The following SH2B1 variants were observed in gnomAD, a reference collection of about 807,000 sequenced individuals.
SH2B1 encodes SH2B adaptor protein 1.
SH2B1 carries 15 observed loss-of-function variants against 62.6 expected under a neutral mutation model. The ratio of observed to expected loss-of-function variants is 0.24; its 90% CI spans 0.16 to 0.37. SH2B1 has a LOEUF of 0.37. Ranked by LOEUF, SH2B1 falls within the 10% of genes least tolerant of loss-of-function variation. The probability of loss-of-function intolerance (pLI) is 1.00; values close to 1 mark genes in which losing one functional copy is unlikely to be tolerated. For synonymous variants in SH2B1, 443 were observed against 438.0 expected, an observed-to-expected ratio of 1.01 and a Z score of -0.14; for missense variants, 925 against 1,015.6, an observed-to-expected ratio of 0.91 and a Z score of 1.21.
chr16:28,871,219 T>C (rs569478885), intron 4 of SH2B1, among the ~76,000 whole-genome samples: 1 of 152,310 alleles, frequency 6.6e-6, no homozygotes. Context: ...TGTTTCACCA[T>C]GTTGCCCAGG....
chr16:28,867,488 A>C, intron 2 of SH2B1, 56 bp downstream of exon 2: 1 of 1,333,630 alleles, frequency 7.5e-7, no homozygotes, highest in South Asian at 1.2e-5. Flanking sequence ...GAAAGCCCTC[A>C]GCGCATTTAA....
Position 28,866,556 on chromosome 16 carries a change from C to G in SH2B1, c.462C>G (p.Ser154=), listed in dbSNP as rs1490497202. Residue 154 remains serine, a synonymous_variant, in exon 1 of 8, where the codon TCC becomes TCG. Transcript: ENST00000684370. This position sits in a 1 kb window ranked among gnomAD's most constrained non-coding sequence, Gnocchi z 6.3. ...AGCCGAAGCTCAAGAAGCGCTTTTC[C>G]CTGCGTTCAGTGGGTCGCTCTGTCC... ...SSKPKLKKRF[S]LRSVGRSVRG... The G allele has an allele frequency of 1.2e-6, 2 of 1,614,082 alleles. No individual in the cohort carries two copies. Among genetic ancestry groups the G allele is most frequent in the Non-Finnish European group, 1.7e-6 (2 of 1,180,034 alleles).
At chr16:28,850,413 A>C (rs9972768) in intron 1 of SH2B1, among the ~76,000 whole-genome samples, 51,905 of 152,084 alleles carry the variant, frequency 0.34, 9,529 homozygotes, top group Admixed American at 0.41. Flanking sequence ...AAAATAAAAA[A>C]ATTTGCCAGA....
intron 1 of SH2B1, among the ~76,000 whole-genome samples, chr16:28,853,096 ATATATT>A (rs1962237830): frequency 8.2e-6 from 1 of 122,408 alleles, no homozygotes; most frequent in African/African-American, 3.2e-5. Flanking sequence ...ATTTATACAT[ATATATT>A]TATATATACA....
Position 28,872,716 on chromosome 16 carries a change from C to T in SH2B1, c.1897+11C>T, listed in dbSNP as rs561521722. 6.2e-7 allele frequency: 1 copy of T among 1,614,014 alleles called. No individual in the cohort carries two copies. The highest frequency in any genetic ancestry group is 2.2e-5 in the East Asian group (1 of 44,864). ...CCCAGCGACAGCAGGGTGAGCAGAG[C>T]AGGTCTGCAGGGGAGGAGGTGCCCG... is the stretch of plus-strand genomic sequence containing the variant. On this transcript the variant is annotated intron_variant, in intron 7 of 7. Coordinates refer to ENST00000684370, the MANE Select transcript of SH2B1 (RefSeq NM_001387430.1). This position sits in a 1 kb window ranked among gnomAD's most constrained non-coding sequence, Gnocchi z 5.3.
chr16:28,862,204 A>G (rs1161945561), upstream of SH2B1: 1 of 152,026 alleles, frequency 6.6e-6, no homozygotes, highest in Non-Finnish European at 1.5e-5. Flanking sequence ...ATTGTTCTCG[A>G]TTTCTCTAAC....
Position 28,874,023 on chromosome 16 carries a change from G to C in SH2B1, c.*203G>C. 1 of 431,436 alleles carries C rather than the reference G, an allele frequency of 2.3e-6. No individual in the cohort carries two copies. Among genetic ancestry groups the C allele is most frequent in the Admixed American group, 4.4e-5 (1 of 22,690 alleles). The allele number at this position is 431,436 out of a possible 1,614,324, so 26.7% of individuals were successfully genotyped here. A position where few individuals can be genotyped will look rare whatever the true frequency, so the allele number is the denominator to read the frequency against. ...CCCCTCCCCAGGGCAGGGGATTTGG[G>C]CTCCATGAGCTCCTTGAGGGGCTCT... On this transcript the variant is annotated 3_prime_UTR_variant, in exon 8 of 8. Coordinates refer to ENST00000684370, the MANE Select transcript of SH2B1 (RefSeq NM_001387430.1).
chr16:28,863,585 G>A (rs1393667809), upstream of SH2B1: 35 of 1,211,212 alleles, frequency 2.9e-5, no homozygotes, highest in Non-Finnish European at 4.0e-5. Context: ...GGTCGACATC[G>A]CCCCTTTGTC....
intron 1 of SH2B1, among the ~76,000 whole-genome samples, chr16:28,852,486 A>ATATT (rs1962154816): frequency 2.1e-5 from 1 of 48,262 alleles, no homozygotes; most frequent in African/African-American, 1.3e-4. Context: ...ATATTTATAT[A>ATATT]TACATACATA....
upstream of SH2B1, chr16:28,862,575 C>T (rs904557657): frequency 1.3e-5 from 2 of 148,346 alleles, no homozygotes; most frequent in Non-Finnish European, 3.0e-5. Flanking sequence ...GCTGGGATTA[C>T]AGGCGTGAGC....
chr16:28,858,328 C>T (rs1287042222), intron 1 of SH2B1, among the ~76,000 whole-genome samples: 3 of 151,958 alleles, frequency 2.0e-5, no homozygotes, highest in Non-Finnish European at 4.4e-5. Context: ...GCCTGGCCAA[C>T]GTGGTGAAAC....
At position 28,874,141 on chromosome 16, in the gene SH2B1, GGTT is replaced by G. The variant is rs758967186; in HGVS notation, c.*334_*336del. On this transcript the variant is annotated 3_prime_UTR_variant, in exon 8 of 8. Coordinates refer to ENST00000684370, the MANE Select transcript of SH2B1 (RefSeq NM_001387430.1). ...GAAGGGCTGTCAGTTACATTAAGGT[GGTT>G]GTTGTTGTTGTTTTAAACAAAATGG... 4.1e-4 allele frequency: 122 copies of G among 295,188 alleles called. No individual in the cohort carries two copies. Among genetic ancestry groups the G allele is most frequent in the South Asian group, 6.5e-4 (4 of 6,172 alleles). 18.3% of individuals were successfully genotyped at this position (295,188 alleles called of 1,614,324 possible). A position where few individuals can be genotyped will look rare whatever the true frequency, so the allele number is the denominator to read the frequency against.
In SH2B1 at chr16:28,852,724, TTATATATATACA is replaced by T. The variant is rs1314167415; in HGVS notation, c.-301+5907_-301+5918del. 1.6e-4 allele frequency among the ~76,000 whole-genome samples: 11 copies of T among 69,548 alleles called. 1 individual carries two copies. Among genetic ancestry groups the T allele is most frequent in the South Asian group, 5.2e-4 (1 of 1,926 alleles). The allele number at this position is 69,548 out of a possible 152,430, so 45.6% of individuals were successfully genotyped here. On this transcript the variant is annotated intron_variant, in intron 1 of 10. Transcript: ENST00000322610. ...TATACATATATATTTACATATATATTTATATATATACATATATATATTTACATATATATGTAT... is the reference window on the plus strand; with the variant it reads ...TATACATATATATTTACATATATATTTATATATATTTACATATATATGTAT...
upstream of SH2B1, among the ~76,000 whole-genome samples, chr16:28,860,185 T>A (rs983536336): frequency 8.6e-5 from 13 of 151,974 alleles, no homozygotes; most frequent in African/African-American, 3.1e-4. Flanking sequence ...GCCTTATCTC[T>A]GTCCTCCCCT....
At chr16:28,852,077 A>G (rs1403167371) in intron 1 of SH2B1, among the ~76,000 whole-genome samples, 5 of 150,036 alleles carry the variant, frequency 3.3e-5, no homozygotes, top group East Asian at 2.0e-4. Flanking sequence ...AAAAAAAAGA[A>G]AAAAGAAATT....
chr16:28,866,763 A>G lies in SH2B1; in HGVS notation c.669A>G (p.Arg223=). Residue 223 remains arginine (R), a synonymous_variant, in exon 1 of 8, where the codon AGA becomes AGG. Transcript: ENST00000684370. This position sits in a 1 kb window ranked among gnomAD's most constrained non-coding sequence, Gnocchi z 6.3. ...LVSDGTSPGE[R]WTHRFERLRL... ...GTGATGGAACGTCCCCTGGGGAAAG[A>G]TGGACTCACCGTTTTGAGAGGCTGA... is the stretch of plus-strand genomic sequence containing the variant. 1.3e-6 allele frequency: 2 copies of G among 1,579,070 alleles called. No homozygotes were observed. Among genetic ancestry groups the G allele is most frequent in the South Asian group, 1.2e-5 (1 of 84,048 alleles).
At position 28,869,240 on chromosome 16, in the gene SH2B1, C is replaced by A. The variant is rs770455223; in HGVS notation, c.1166C>A (p.Thr389Asn). The A allele has an allele frequency of 1.2e-6, 2 of 1,614,076 alleles. No homozygotes were observed. Among genetic ancestry groups the A allele is most frequent in the Non-Finnish European group, 1.7e-6 (2 of 1,180,030 alleles). The change falls in exon 4 of 8, where the codon ACC (threonine) becomes AAC (asparagine). Residue 389 changes from threonine (T) to asparagine (N), a missense_variant. Thr to Asn is a moderately conservative substitution (Grantham distance 65). Around this residue, in one of 3 missense-constraint regions of SH2B1, gnomAD observed 683 missense variants for 704.0 expected, o/e 0.97. Coordinates refer to ENST00000684370, the MANE Select transcript of SH2B1 (RefSeq NM_001387430.1). The part of the protein sequence containing the change: ...PCPATSPRPM[T>N]LPLAPGTSFL... ...CCTGCTACCAGTCCCCGCCCCATGA[C>A]CCTCCCTCTGGCCCCTGGGACCTCA...
intron 1 of SH2B1, among the ~76,000 whole-genome samples, chr16:28,852,082 GA>G (rs1962111297): frequency 6.8e-6 from 1 of 146,758 alleles, no homozygotes; most frequent in Non-Finnish European, 1.5e-5. Context: ...AAAGAAAAAA[GA>G]AATTTAAAAA....
intron 1 of SH2B1, among the ~76,000 whole-genome samples, chr16:28,848,265 C>CT (rs1442548801): frequency 6.6e-6 from 1 of 152,038 alleles, no homozygotes; most frequent in East Asian, 1.9e-4. Flanking sequence ...CGGTGAAACT[C>CT]TGTCTCTACT....
Sources: allele counts gnomAD v4.1 joint callset (sites outside exome capture counted in the v4.1 genomes callset), GRCh38; gene constraint gnomAD v4.1.1; regional missense constraint gnomAD v4.1.1; non-coding constraint Gnocchi (gnomAD v3.1); transcripts MANE v1.5; gene names NCBI Gene and HGNC (gene_info 2026-07-23, HGNC 2026-07-21).